CAMK2B: variants seen among roughly 807,000 people sequenced by gnomAD.
The protein encoded by CAMK2B is calcium/calmodulin dependent protein kinase II beta.
CAMK2B carries 27 observed loss-of-function variants against 93.7 expected under a neutral mutation model. The ratio of observed to expected loss-of-function variants is 0.29; its 90% CI spans 0.21 to 0.40. The LOEUF is 0.40. Ranked by LOEUF, CAMK2B falls within the 10% of genes least tolerant of loss-of-function variation. CAMK2B has a pLI of 1.00. For synonymous variants in CAMK2B, 374 were observed against 358.8 expected (o/e 1.04, Z -0.48); for missense variants, 568 against 895.8 (o/e 0.63, Z 4.67).
intron 19 of CAMK2B, among the ~76,000 whole-genome samples, chr7:44,227,775 C>CAGAGGGGGTG: frequency 1.0e-4 from 1 of 10,038 alleles, no homozygotes; most frequent in South Asian, 4.7e-3. Context: ...GAGGGAGAGT[C>CAGAGGGGGTG]TGGGGGACAG....
intron 2 of CAMK2B, among the ~76,000 whole-genome samples, chr7:44,283,326 G>A (rs1325480013): frequency 6.6e-6 from 1 of 151,932 alleles, no homozygotes; most frequent in Admixed American, 6.5e-5. Context: ...ACCCCACAAG[G>A]GCAGGGAGAC....
At position 44,220,175 on chromosome 7, in the gene CAMK2B, C is replaced by T. The variant is rs780992261; in HGVS notation, c.1888G>A (p.Gly630Ser). Reference protein sequence around the residue: ...IRLTQYIDGQGRPRTSQSEET... With the variant: ...IRLTQYIDGQSRPRTSQSEET... ...TCAGACTGGCTGGTGCGGGGCCGGC[C>T]CTGCCCGTCAATGTACTGCGTGAGC... Residue 630 changes from glycine to serine, a missense_variant, in exon 23 of 24, where the codon GGC becomes AGC. Gly to Ser is a moderately conservative substitution (Grantham distance 56). Transcript: ENST00000395749. The T allele has an allele frequency of 6.2e-7, 1 of 1,612,502 alleles. No individual in the cohort carries two copies.
Position 44,325,402 on chromosome 7 carries a change from C to A in CAMK2B, c.20G>T (p.Cys7Phe). ...CTGGTACTCGTCGGTGAAGCGGGTGCAGGTCACCGTGGTGGCCATGGCGGC... is the reference window on the plus strand; with the variant it reads ...CTGGTACTCGTCGGTGAAGCGGGTGAAGGTCACCGTGGTGGCCATGGCGGC... MATTVT[C>F]TRFTDEYQLY... Residue 7 changes from cysteine to phenylalanine, a missense_variant, in exon 1 of 24, where the codon TGC (cysteine) becomes TTC (phenylalanine). By Grantham distance (205) the Cys-to-Phe change is radical (BLOSUM62 -2). Transcript: ENST00000395749. 1.6e-6 allele frequency: 2 copies of A among 1,213,068 alleles called. No individual in the cohort carries two copies. The highest frequency in any genetic ancestry group is 2.1e-6 in the Non-Finnish European group (2 of 948,968). 75.1% of individuals were successfully genotyped at this position (1,213,068 alleles called of 1,614,324 possible).
At position 44,218,606 on chromosome 7, in the gene CAMK2B, C is replaced by T. The variant is rs2096362778; in HGVS notation, c.*919G>A. On this transcript the variant is annotated 3_prime_UTR_variant, in exon 24 of 24. Coordinates refer to ENST00000395749, the MANE Select transcript of CAMK2B (RefSeq NM_001220.5). Reference sequence around the variant, plus strand: ...GCAGAGAAGGGACAGACACCTCACACAGGAGGGGGGCCAGCCCAGGCAGAG... The same window carrying T: ...GCAGAGAAGGGACAGACACCTCACATAGGAGGGGGGCCAGCCCAGGCAGAG... The T allele has an allele frequency of 6.6e-6, 1 of 152,332 alleles. No homozygotes were observed. Among genetic ancestry groups the T allele is most frequent in the African/African-American group, 2.4e-5 (1 of 41,476 alleles). 9.4% of individuals were successfully genotyped at this position (152,332 alleles called of 1,614,324 possible). A position where few individuals can be genotyped will look rare whatever the true frequency, so the allele number is the denominator to read the frequency against.
At chr7:44,266,940 G>T (rs2096926189) in intron 2 of CAMK2B, 2 of 152,284 alleles carry the variant, frequency 1.3e-5, no homozygotes, top group African/African-American at 4.8e-5. Context: ...CTCCTCAGAA[G>T]GTGCTGAATC....
Position 44,325,371 on chromosome 7 carries a change from G to A in CAMK2B, c.51C>T (p.Tyr17=), listed in dbSNP as rs150540739. ...CTRFTDEYQL[Y]EDIGKGAFSV... ...GCTGCTCTTACTTGCCAATATCCTC[G>A]TAGAGCTGGTACTCGTCGGTGAAGC... is the stretch of plus-strand genomic sequence containing the variant. The change falls in exon 1 of 24, where the codon TAC becomes TAT. Residue 17 remains tyrosine, a synonymous_variant. Coordinates refer to ENST00000395749, the MANE Select transcript of CAMK2B (RefSeq NM_001220.5). 5.9e-3 allele frequency: 7,374 copies of A among 1,245,110 alleles called. 28 individuals carry two copies. The highest frequency in any genetic ancestry group is 7.4e-3 in the Admixed American group (274 of 37,102). 77.1% of individuals were successfully genotyped at this position (1,245,110 alleles called of 1,614,324 possible).
At position 44,228,706 on chromosome 7, in the gene CAMK2B, C is replaced by A. The variant is rs528027767; in HGVS notation, c.1468+90G>T. The stretch of plus-strand genomic sequence containing the variant: ...CGGCGCCGGGGCAGGGTAGCTGGGC[C>A]GTGCATGCAGGTGGGAAGCTGCTGA... On this transcript the variant is annotated intron_variant, in intron 19 of 23. Coordinates refer to ENST00000395749, the MANE Select transcript of CAMK2B (RefSeq NM_001220.5). The A allele has an allele frequency of 2.7e-4, 335 of 1,240,792 alleles. 5 individuals carry two copies. The South Asian group carries it at 5.8e-3, about 21-fold the overall frequency. 76.9% of individuals were successfully genotyped at this position (1,240,792 alleles called of 1,614,324 possible).
At chr7:44,223,939 G>A (rs751391148) in intron 20 of CAMK2B, among the ~76,000 whole-genome samples, 51 of 152,240 alleles carry the variant, frequency 3.3e-4, no homozygotes, top group Non-Finnish European at 6.8e-4. Flanking sequence ...CTGGAATGGA[G>A]AAGAGAATGA....
intron 20 of CAMK2B, among the ~76,000 whole-genome samples, chr7:44,223,684 C>T (rs951092749): frequency 6.6e-6 from 1 of 151,840 alleles, no homozygotes; most frequent in Non-Finnish European, 1.5e-5. Flanking sequence ...TTTCACCTGT[C>T]CTTTCCTGGA....
chr7:44,264,608 G>T (rs916019810), intron 2 of CAMK2B, among the ~76,000 whole-genome samples: 1 of 152,062 alleles, frequency 6.6e-6, no homozygotes, highest in African/African-American at 2.4e-5. Flanking sequence ...ACCCCATCCC[G>T]CTGTTTTGCT....
rs563319297 is a variant in CAMK2B, at chr7:44,306,773, G to C, written c.65+18584C>G. On this transcript the variant is annotated intron_variant, in intron 1 of 23. Coordinates refer to ENST00000395749, the MANE Select transcript of CAMK2B (RefSeq NM_001220.5). ...GGTGTGGGCAGGGGGAGGAGGATGC[G>C]AGCAGGGGAGGAGGGTGTGGGCAGG... Among the ~76,000 whole-genome samples the C allele has an allele frequency of 2.7e-5, 4 of 148,962 alleles. No individual in the cohort carries two copies. The East Asian group carries it at 8.1e-4, about 30-fold the overall frequency.
intron 1 of CAMK2B, among the ~76,000 whole-genome samples, chr7:44,289,354 C>A (rs1366619002): frequency 6.6e-6 from 1 of 152,170 alleles, no homozygotes; most frequent in Non-Finnish European, 1.5e-5. Context: ...TGTGGGAGGG[C>A]CCAGAGAGCA....
chr7:44,313,051 G>A (rs1368669918), intron 1 of CAMK2B, among the ~76,000 whole-genome samples: 1 of 152,064 alleles, frequency 6.6e-6, no homozygotes, highest in African/African-American at 2.4e-5. Context: ...CGGGGCTGGT[G>A]CGCTTCCTCA....
At chr7:44,257,361 A>G (rs925112055) in intron 4 of CAMK2B, among the ~76,000 whole-genome samples, 1 of 152,194 alleles carries the variant, frequency 6.6e-6, no homozygotes, top group African/African-American at 2.4e-5. Context: ...AGGGCCTCCA[A>G]TGACACCTGC....
rs547615227 is a variant in CAMK2B, at chr7:44,228,745, G to A, written c.1468+51C>T. The A allele has an allele frequency of 1.4e-4, 200 of 1,413,062 alleles. 1 individual carries two copies. Among genetic ancestry groups the A allele is most frequent in the South Asian group, 4.9e-4 (31 of 63,280 alleles). The allele number at this position is 1,413,062 out of a possible 1,614,324, so 87.5% of individuals were successfully genotyped here. A position where few individuals can be genotyped will look rare whatever the true frequency, so the allele number is the denominator to read the frequency against. On this transcript the variant is annotated intron_variant, in intron 19 of 23. Transcript: ENST00000395749. ...GGAAGCTGCTGAGCGCCGGCCATTCGCAGGGAGCTGTCCGGCAGCAGAGGC... is the reference window on the plus strand; with the variant it reads ...GGAAGCTGCTGAGCGCCGGCCATTCACAGGGAGCTGTCCGGCAGCAGAGGC...
intron 13 of CAMK2B, among the ~76,000 whole-genome samples, chr7:44,236,347 C>T (rs2096626063): frequency 6.6e-6 from 1 of 152,222 alleles, no homozygotes; most frequent in South Asian, 2.1e-4. Flanking sequence ...TTTCTATTCC[C>T]AGCCTCCCCT....
chr7:44,237,732 G>A (rs2096639701), intron 13 of CAMK2B, among the ~76,000 whole-genome samples: 2 of 152,218 alleles, frequency 1.3e-5, no homozygotes, highest in African/African-American at 4.8e-5. Flanking sequence ...CAAAGCATGC[G>A]TTAGGTGCCG....
intron 1 of CAMK2B, among the ~76,000 whole-genome samples, chr7:44,314,459 C>T (rs572862148): frequency 7.6e-4 from 116 of 152,328 alleles, no homozygotes; most frequent in African/African-American, 2.7e-3. Flanking sequence ...TGCTTATTAG[C>T]ATTTCATTCC....
chr7:44,222,168 ACTC>A (rs1455944999), intron 20 of CAMK2B, among the ~76,000 whole-genome samples: 1 of 151,970 alleles, frequency 6.6e-6, no homozygotes, highest in African/African-American at 2.4e-5. Context: ...CGTGGAAAAA[ACTC>A]AAACCCCCAG....
Sources: gnomAD v4.1 joint callset for allele counts (sites outside exome capture counted in the v4.1 genomes callset) on GRCh38, gnomAD v4.1.1 for gene constraint, MANE v1.5 for transcripts, NCBI Gene and HGNC (gene_info 2026-07-23, HGNC 2026-07-21) for gene names.